Variants in TM6SF1 observed in about 807,000 individuals in gnomAD.
TM6SF1 encodes the protein transmembrane 6 superfamily member 1.
Under a neutral mutation model 47.1 loss-of-function variants are expected in TM6SF1, and 43 were observed. That is an observed-to-expected ratio of 0.91 (90% CI 0.72 to 1.18). The LOEUF is 1.18. Among genes scored for constraint, TM6SF1 ranks in the 50% most tolerant of loss-of-function variants. The pLI, the probability that TM6SF1 is intolerant of heterozygous loss-of-function variation, is 0.00. For synonymous variants in TM6SF1, 177 were observed against 166.3 expected, an observed-to-expected ratio of 1.06 and a Z score of -0.49; for missense variants, 390 against 449.0, an observed-to-expected ratio of 0.87 and a Z score of 1.19.
intron 7 of TM6SF1, among the ~76,000 whole-genome samples, chr15:83,125,765 A>G (rs995686396): frequency 2.6e-5 from 4 of 152,208 alleles, no homozygotes; most frequent in African/African-American, 7.2e-5. Context: ...GGTGACTTTT[A>G]TCATTTCAGG....
chr15:83,121,768 G>T (rs1041778334), intron 4 of TM6SF1, 153 bp from the exon 5 acceptor site: 1 of 617,282 alleles, frequency 1.6e-6, no homozygotes, highest in Admixed American at 3.4e-5. Flanking sequence ...CATAACCAGG[G>T]CTCCTTGTGT....
intron 9 of TM6SF1, 92 bp from the exon 10 acceptor site, chr15:83,136,388 GA>G: frequency 8.0e-6 from 9 of 1,130,496 alleles, no homozygotes; most frequent in Non-Finnish European, 1.1e-5. Flanking sequence ...TGAGGGCACA[GA>G]AACGTAGCCT....
chr15:83,135,740 G>A (rs1269034155), intron 9 of TM6SF1: 3 of 152,194 alleles, frequency 2.0e-5, no homozygotes, highest in African/African-American at 4.8e-5. Context: ...ATGCTGACAT[G>A]TCGTACTTCT....
chr15:83,125,777 T>A (rs1596508413), intron 7 of TM6SF1, among the ~76,000 whole-genome samples: 1 of 152,126 alleles, frequency 6.6e-6, no homozygotes, highest in East Asian at 1.9e-4. Context: ...CATTTCAGGG[T>A]CTTGGGCTAC....
At chr15:83,115,166 G>A in intron 2 of TM6SF1, 1 of 157,172 alleles carries the variant, frequency 6.4e-6, no homozygotes, top group South Asian at 1.9e-4. Flanking sequence ...CGCCCAGGCT[G>A]GAGTGCAGTG....
Position 83,136,774 on chromosome 15 carries a change from G to A in TM6SF1, c.*102G>A. 4 of 994,698 alleles carry A rather than the reference G, an allele frequency of 4.0e-6. No homozygotes were observed. The highest frequency in any genetic ancestry group is 4.9e-5 in the East Asian group (2 of 40,430). The allele number at this position is 994,698 out of a possible 1,614,324, so 61.6% of individuals were successfully genotyped here. On this transcript the variant is annotated 3_prime_UTR_variant, in exon 10 of 10. Transcript: ENST00000322019. The stretch of plus-strand genomic sequence containing the variant: ...TCTCTTCTCATACGTGAGTACTTAA[G>A]AATATGTACATTCTTGCTCTGCACT...
intron 1 of TM6SF1, among the ~76,000 whole-genome samples, chr15:83,109,912 G>A (rs1350903958): frequency 6.6e-6 from 1 of 152,154 alleles, no homozygotes; most frequent in Non-Finnish European, 1.5e-5. Context: ...TCTACCTTCT[G>A]CAGACCCTCC....
chr15:83,119,149 C>T (rs548803348), intron 3 of TM6SF1, among the ~76,000 whole-genome samples: 1 of 152,224 alleles, frequency 6.6e-6, no homozygotes, highest in South Asian at 2.1e-4. Context: ...GCCCAGCAAG[C>T]CACGGGATCA....
At position 83,107,928 on chromosome 15, in the gene TM6SF1, G is replaced by A. The variant is rs1252124268; in HGVS notation, c.92+156G>A. ...GCTCCCCGCGCCTGGCCAGACTAGG[G>A]GGGCGCCCCAGGGGTCGCACGGGCC... is the stretch of plus-strand genomic sequence containing the variant. On this transcript the variant is annotated intron_variant, in intron 1 of 9. Coordinates refer to ENST00000322019, the MANE Select transcript of TM6SF1 (RefSeq NM_023003.5). The surrounding 1 kb of genome is among the most constrained non-coding windows in gnomAD (Gnocchi z 5.6). 9.3e-5 allele frequency: 120 copies of A among 1,287,428 alleles called. No homozygotes were observed. Among genetic ancestry groups the A allele is most frequent in the Non-Finnish European group, 1.2e-4 (117 of 1,013,758 alleles). 79.8% of individuals were successfully genotyped at this position (1,287,428 alleles called of 1,614,324 possible).
chr15:83,123,214 C>T (rs145599217), intron 6 of TM6SF1, among the ~76,000 whole-genome samples: 2 of 152,204 alleles, frequency 1.3e-5, no homozygotes, highest in East Asian at 1.9e-4. Flanking sequence ...ATGGCCTGGA[C>T]GTTGAACACC....
chr15:83,108,047 A>C (rs1445854136), intron 1 of TM6SF1, among the ~76,000 whole-genome samples: 5 of 152,108 alleles, frequency 3.3e-5, no homozygotes, highest in African/African-American at 1.2e-4. Flanking sequence ...ACAGGCGTCA[A>C]TACGGCCATG....
intron 1 of TM6SF1, among the ~76,000 whole-genome samples, chr15:83,110,716 C>A (rs1265694243): frequency 6.6e-6 from 1 of 152,170 alleles, no homozygotes; most frequent in African/African-American, 2.4e-5. Context: ...CAGCATCATA[C>A]TCTTGACCCA....
chr15:83,117,147 AAGATGGACATTTCC>A (rs1266615038), intron 3 of TM6SF1, among the ~76,000 whole-genome samples: 1 of 152,174 alleles, frequency 6.6e-6, no homozygotes, highest in Non-Finnish European at 1.5e-5. Context: ...ATGGCAGTGG[AAGATGGACATTTCC>A]AGATGGACCA....
chr15:83,115,827 C>G lies in TM6SF1; in HGVS notation c.197-18C>G. 6.3e-7 allele frequency: 1 copy of G among 1,581,630 alleles called. No homozygotes were observed. Among genetic ancestry groups the G allele is most frequent in the East Asian group, 2.2e-5 (1 of 44,760 alleles). On this transcript the variant is annotated intron_variant, in intron 2 of 9. Transcript: ENST00000322019. ...TCCTGAGCTATTGCTTTTTAAACTG[C>G]TGCTTTCTTTGCTCTAGTGTATGCA... is the stretch of plus-strand genomic sequence containing the variant.
chr15:83,111,451 A>G (rs2034165103), intron 1 of TM6SF1: 1 of 178,686 alleles, frequency 5.6e-6, no homozygotes, highest in Non-Finnish European at 1.1e-5. Context: ...TCCATCATCT[A>G]TCCATCCTTT....
intron 9 of TM6SF1, chr15:83,128,922 C>T (rs2036001544): frequency 6.6e-6 from 1 of 152,266 alleles, no homozygotes; most frequent in African/African-American, 2.4e-5. Context: ...CCTCGGACTC[C>T]TAGGCTCAAG....
At chr15:83,122,677 T>G in intron 5 of TM6SF1, 80 bp from the exon 6 acceptor site, 25 of 1,513,050 alleles carry the variant, frequency 1.7e-5, no homozygotes, top group East Asian at 2.3e-5. Context: ...TTAGATGACC[T>G]GAGATGGGGA....
In TM6SF1 at chr15:83,107,769, ATGAG is replaced by A; in HGVS notation, c.92+6_92+9del. 5 of 1,580,402 alleles carry A rather than the reference ATGAG, an allele frequency of 3.2e-6. No homozygotes were observed. In the African/African-American group the frequency reaches 4.2e-5, roughly 13 times the overall value. On this transcript the variant is annotated splice_donor_variant and coding_sequence_variant, in exon 1 of 10. Transcript: ENST00000322019. LOFTEE classifies it high-confidence loss of function. The surrounding 1 kb of genome is among the most constrained non-coding windows in gnomAD (Gnocchi z 5.6). ...GTCTTCAACCACCTGGCGGCCCAGCATGAGTGAGTGAGCCGGCGCGGCGGGGGTC... is the reference window on the plus strand; with the variant it reads ...GTCTTCAACCACCTGGCGGCCCAGCATGAGTGAGCCGGCGCGGCGGGGGTC...
chr15:83,120,146 G>A lies in TM6SF1; in HGVS notation c.398+465G>A, dbSNP rs144970434. The stretch of plus-strand genomic sequence containing the variant: ...TCACTCTGCGGCTGGCCCCTTGGCA[G>A]TGGATGTGTATGTACAAGGGATTAA... On this transcript the variant is annotated intron_variant, in intron 4 of 9. Coordinates refer to ENST00000322019, the MANE Select transcript of TM6SF1 (RefSeq NM_023003.5). The A allele has an allele frequency of 2.7e-3, 463 of 172,142 alleles. 2 individuals are homozygous for A. Among genetic ancestry groups the A allele is most frequent in the African/African-American group, 0.01 (440 of 42,236 alleles). 10.7% of individuals were successfully genotyped at this position (172,142 alleles called of 1,614,324 possible).
Sources: allele counts gnomAD v4.1 joint callset (sites outside exome capture counted in the v4.1 genomes callset), GRCh38; gene constraint gnomAD v4.1.1; non-coding constraint Gnocchi (gnomAD v3.1); transcripts MANE v1.5; gene names NCBI Gene and HGNC (gene_info 2026-07-23, HGNC 2026-07-21).